SEPTIN14: variants seen among roughly 807,000 people sequenced by gnomAD.
SEPTIN14 encodes the protein septin-14.
A neutral mutation model predicts 53.6 loss-of-function variants in SEPTIN14; 40 were observed. The observed-to-expected ratio is 0.75, with a 90% CI of 0.58 to 0.97. The LOEUF (loss-of-function observed/expected upper bound fraction) is 0.97. Ranked by LOEUF, SEPTIN14 falls within the 50% of genes least tolerant of loss-of-function variation. The pLI is 0.00. For synonymous variants in SEPTIN14, 138 were observed against 166.8 expected, an observed-to-expected ratio of 0.83 and a Z score of 1.33; for missense variants, 471 against 508.2, an observed-to-expected ratio of 0.93 and a Z score of 0.70.
At chr7:55,826,195 A>C (rs898592676) in intron 6 of SEPTIN14, among the ~76,000 whole-genome samples, 2 of 151,846 alleles carry the variant, frequency 1.3e-5, no homozygotes, top group Non-Finnish European at 2.9e-5. Context: ...ATGTAGATCT[A>C]CTCTTTTACC....
In SEPTIN14 at chr7:55,830,341, ATATATATAT is replaced by A. The variant is rs1300810042; in HGVS notation, c.720+4075_720+4083del. On this transcript the variant is annotated intron_variant, in intron 6 of 9. Transcript: ENST00000388975. ...CAACTGTATATATATATATATATAT[ATATATATAT>A]TTTTTTTTTTTTTTGAGACGGAGTC... Among the ~76,000 whole-genome samples, 220 of 32,262 alleles carry A rather than the reference ATATATATAT, an allele frequency of 6.8e-3. 5 individuals are homozygous for A. In the South Asian group the frequency reaches 0.12, roughly 18 times the overall value. The allele number at this position is 32,262 out of a possible 152,430, so 21.2% of individuals were successfully genotyped here. A position where few individuals can be genotyped will look rare whatever the true frequency, so the allele number is the denominator to read the frequency against.
intron 5 of SEPTIN14, among the ~76,000 whole-genome samples, chr7:55,835,848 G>A (rs777158232): frequency 1.3e-5 from 2 of 151,970 alleles, no homozygotes; most frequent in African/African-American, 2.4e-5. Context: ...GTTCAAGCAA[G>A]TCTCCTGCTT....
Position 55,843,022 on chromosome 7 carries a change from C to G in SEPTIN14, c.478G>C (p.Val160Leu). The change falls in exon 5 of 10, where the codon GTG (valine) becomes CTG (leucine). Residue 160 changes from valine to leucine, a missense_variant. By Grantham distance (32) the Val-to-Leu change is conservative. Coordinates refer to ENST00000388975, the MANE Select transcript of SEPTIN14 (RefSeq NM_207366.3). ...LFEYHDSRVH[V>L]CLYFISPTGH... The stretch of plus-strand genomic sequence containing the variant: ...GTAGGTGAAATGAAGTAAAGACACA[C>G]GTGGACGCGAGAATCATGGTACTCA... 1 of 1,590,156 alleles carries G rather than the reference C, an allele frequency of 6.3e-7. No individual in the cohort carries two copies. The highest frequency in any genetic ancestry group is 1.1e-5 in the South Asian group (1 of 87,814).
At chr7:55,801,754 T>C (rs1788525216) in intron 9 of SEPTIN14, among the ~76,000 whole-genome samples, 1 of 151,702 alleles carries the variant, frequency 6.6e-6, no homozygotes, top group South Asian at 2.1e-4. Flanking sequence ...ACCCCATCTC[T>C]ACTAAAAGTA....
chr7:55,843,167 A>G (rs142854625), intron 4 of SEPTIN14, 39 bp from the exon 5 acceptor site: 14,064 of 1,321,794 alleles, frequency 0.011, 99 homozygotes, highest in Non-Finnish European at 0.013. Flanking sequence ...ACAGACTAAT[A>G]AAATCTAAAG....
At chr7:55,801,068 G>A (rs1788515336) in intron 9 of SEPTIN14, among the ~76,000 whole-genome samples, 1 of 152,028 alleles carries the variant, frequency 6.6e-6, no homozygotes, top group African/African-American at 2.4e-5. Context: ...AGCAGTTTAA[G>A]AGTGAAGTTT....
At chr7:55,812,365 G>A (rs1009447636) in intron 7 of SEPTIN14, among the ~76,000 whole-genome samples, 2 of 152,142 alleles carry the variant, frequency 1.3e-5, no homozygotes, top group Non-Finnish European at 2.9e-5. Flanking sequence ...TCACTTATAT[G>A]TGGTAACTAA....
intron 6 of SEPTIN14, among the ~76,000 whole-genome samples, chr7:55,821,279 G>A (rs1379710688): frequency 1.3e-5 from 2 of 152,190 alleles, no homozygotes; most frequent in Non-Finnish European, 2.9e-5. Flanking sequence ...GTGTGGGGAA[G>A]TAATCCAAAG....
intron 2 of SEPTIN14, among the ~76,000 whole-genome samples, chr7:55,859,530 A>T (rs1191321071): frequency 6.6e-6 from 1 of 152,126 alleles, no homozygotes; most frequent in Non-Finnish European, 1.5e-5. Flanking sequence ...TTAAATCAGG[A>T]TGTGTGATGC....
At chr7:55,829,679 G>A (rs1398772225) in intron 6 of SEPTIN14, among the ~76,000 whole-genome samples, 1 of 151,808 alleles carries the variant, frequency 6.6e-6, no homozygotes, top group Non-Finnish European at 1.5e-5. Context: ...GCAGCTTGGA[G>A]GCAGTGAATA....
At chr7:55,821,946 G>T (rs940677145) in intron 6 of SEPTIN14, among the ~76,000 whole-genome samples, 1 of 152,138 alleles carries the variant, frequency 6.6e-6, no homozygotes, top group Admixed American at 6.6e-5. Flanking sequence ...AAGCATGGTG[G>T]GAAGTGAAAG....
At position 55,834,700 on chromosome 7, in the gene SEPTIN14, G is replaced by C. The variant is rs6946382; in HGVS notation, c.559-114C>G. 4,133 of 742,822 alleles carry C rather than the reference G, an allele frequency of 5.6e-3. 37 individuals are homozygous for C. Among genetic ancestry groups the C allele is most frequent in the African/African-American group, 0.03 (1,700 of 55,912 alleles). 46.0% of individuals were successfully genotyped at this position (742,822 alleles called of 1,614,324 possible). The stretch of plus-strand genomic sequence containing the variant: ...CTTTGTCGCCCAGGCTGGAGTGCAG[G>C]GGCACGATCTCGGCTCACTGCAAGC... On this transcript the variant is annotated intron_variant, in intron 5 of 9. Coordinates refer to ENST00000388975, the MANE Select transcript of SEPTIN14 (RefSeq NM_207366.3).
intron 6 of SEPTIN14, among the ~76,000 whole-genome samples, chr7:55,829,643 G>A (rs1288356733): frequency 2.6e-5 from 4 of 151,808 alleles, no homozygotes; most frequent in African/African-American, 9.7e-5. Flanking sequence ...CAGAGGGCCA[G>A]AGATGCTGCA....
chr7:55,815,788 GA>G (rs1788781276), intron 7 of SEPTIN14, among the ~76,000 whole-genome samples: 1 of 152,112 alleles, frequency 6.6e-6, no homozygotes, highest in African/African-American at 2.4e-5. Context: ...AAACAGTATG[GA>G]GTTTCCTCAA....
At chr7:55,808,075 T>G (rs1234476656) in intron 7 of SEPTIN14, among the ~76,000 whole-genome samples, 1 of 152,214 alleles carries the variant, frequency 6.6e-6, no homozygotes, top group African/African-American at 2.4e-5. Context: ...TTAGATACCC[T>G]ACTTTCAGCA....
intron 4 of SEPTIN14, 99 bp from the exon 5 acceptor site, chr7:55,843,227 G>C: frequency 1.6e-6 from 1 of 621,522 alleles, no homozygotes; most frequent in Non-Finnish European, 2.6e-6. Flanking sequence ...TAAGCAGTTT[G>C]CTATAGTGAT....
intron 5 of SEPTIN14, among the ~76,000 whole-genome samples, chr7:55,836,691 T>G (rs894884866): frequency 6.6e-6 from 1 of 151,812 alleles, no homozygotes; most frequent in East Asian, 1.9e-4. Flanking sequence ...TGAGCCGAGA[T>G]TGCGCCATTG....
At chr7:55,815,553 C>T (rs1024092651) in intron 7 of SEPTIN14, among the ~76,000 whole-genome samples, 12 of 151,868 alleles carry the variant, frequency 7.9e-5, no homozygotes, top group Admixed American at 2.0e-4. Flanking sequence ...GAAGTAACTG[C>T]TCATTGTGGG....
chr7:55,806,155 G>A (rs1327627921), intron 8 of SEPTIN14, among the ~76,000 whole-genome samples: 2 of 151,586 alleles, frequency 1.3e-5, no homozygotes, highest in Non-Finnish European at 1.5e-5. Context: ...CCGCCACCAC[G>A]CCCAGCTAAT....
Sources: gnomAD v4.1 joint callset for allele counts (sites outside exome capture counted in the v4.1 genomes callset) on GRCh38, gnomAD v4.1.1 for gene constraint, MANE v1.5 for transcripts, NCBI Gene and HGNC (gene_info 2026-07-23, HGNC 2026-07-21) for gene names.